Variants in MORC3 observed in about 807,000 individuals in gnomAD.
MORC3 encodes MORC family CW-type zinc finger protein 3.
A neutral mutation model predicts 109.1 loss-of-function variants in MORC3; 31 were observed. The ratio of observed to expected loss-of-function variants is 0.28; its 90% CI spans 0.21 to 0.38. The LOEUF is 0.38. MORC3 is among the 10% of genes least tolerant of loss of function. The probability of loss-of-function intolerance (pLI) is 1.00; values close to 1 mark genes in which losing one functional copy is unlikely to be tolerated. For missense variants in MORC3, 867 were observed against 1,135.8 expected, an observed-to-expected ratio of 0.76 and a Z score of 3.40; for synonymous variants, 395 against 380.7, an observed-to-expected ratio of 1.04 and a Z score of -0.44.
intron 9 of MORC3, among the ~76,000 whole-genome samples, chr21:36,353,220 G>A (rs1209868987): frequency 6.6e-6 from 1 of 151,372 alleles, no homozygotes; most frequent in Non-Finnish European, 1.5e-5. Flanking sequence ...AGCTGGGCTT[G>A]GTGGCGTGTG....
At chr21:36,341,595 G>C (rs371508654) in intron 6 of MORC3, 49 bp downstream of exon 6, 1 of 1,610,386 alleles carries the variant, frequency 6.2e-7, no homozygotes. Flanking sequence ...TTGAATGCTG[G>C]TAGTATTAGG....
Position 36,369,673 on chromosome 21 carries a change from A to G in MORC3, c.2305A>G (p.Met769Val). 6.2e-7 allele frequency: 1 copy of G among 1,614,208 alleles called. No individual in the cohort carries two copies. Among genetic ancestry groups the G allele is most frequent in the Non-Finnish European group, 8.5e-7 (1 of 1,180,032 alleles). Residue 769 changes from methionine to valine, a missense_variant, in exon 15 of 17, where the codon ATG becomes GTG. Physicochemically the swap from Met to Val is conservative, Grantham distance 21. Around this residue, in one of 7 missense-constraint regions of MORC3, gnomAD observed 486 missense variants for 502.1 expected, o/e 0.97. Transcript: ENST00000400485. The part of the protein sequence containing the change: ...INGKSESPDH[M>V]VSQYQQALEE... ...TGGCAAATCTGAAAGTCCAGACCATATGGTATCTCAGTATCAGCAAGCTTT... is the reference window on the plus strand; with the variant it reads ...TGGCAAATCTGAAAGTCCAGACCATGTGGTATCTCAGTATCAGCAAGCTTT...
chr21:36,341,434 A>T lies in MORC3; in HGVS notation c.644A>T (p.Asp215Val). ...KNATEFDFEK[D>V]KYDIRIPEDL... ...GCAACAGAGTTCGATTTTGAAAAGG[A>T]TAAATATGATATCAGAATTCCCGAG... Residue 215 changes from aspartate to valine, a missense_variant, in exon 6 of 17, where the codon GAT becomes GTT. Coordinates refer to ENST00000400485, the MANE Select transcript of MORC3 (RefSeq NM_015358.3). 6.2e-7 allele frequency: 1 copy of T among 1,611,848 alleles called. No homozygotes were observed.
chr21:36,366,156 A>G (rs2085779082), intron 14 of MORC3, among the ~76,000 whole-genome samples: 1 of 152,142 alleles, frequency 6.6e-6, no homozygotes, highest in South Asian at 2.1e-4. Flanking sequence ...AGTACCCAAT[A>G]TGTAGTTTTT....
chr21:36,370,614 T>TAC (rs1248777187), intron 15 of MORC3, among the ~76,000 whole-genome samples: 12 of 30,204 alleles, frequency 4.0e-4, no homozygotes, highest in African/African-American at 8.3e-4. Flanking sequence ...CATACATACA[T>TAC]ATATATATAT....
chr21:36,363,652 A>G (rs2085745249), intron 13 of MORC3, among the ~76,000 whole-genome samples: 1 of 152,216 alleles, frequency 6.6e-6, no homozygotes. Flanking sequence ...CTCGAAGTAC[A>G]GTTTCTGCTG....
chr21:36,353,274 T>A (rs1290252781), intron 9 of MORC3, among the ~76,000 whole-genome samples: 3 of 147,804 alleles, frequency 2.0e-5, no homozygotes, highest in Non-Finnish European at 4.4e-5. Flanking sequence ...GGAGAATTGC[T>A]TGAACCAGGG....
chr21:36,320,279 A>C lies in MORC3; in HGVS notation c.15A>C (p.Pro5=), dbSNP rs1036353861. 6.4e-7 allele frequency: 1 copy of C among 1,573,048 alleles called. No individual in the cohort carries two copies. The highest frequency in any genetic ancestry group is 1.7e-4 in the Middle Eastern group (1 of 5,962). Reference sequence around the variant, plus strand: ...GCTCGCTCAAGATGGCGGCGCAGCCACCCCGCGGGATACGCCTCAGCGCGG... The same window carrying C: ...GCTCGCTCAAGATGGCGGCGCAGCCCCCCCGCGGGATACGCCTCAGCGCGG... MAAQ[P]PRGIRLSALC... The change falls in exon 1 of 17, where the codon CCA becomes CCC. Residue 5 remains proline (P), a synonymous_variant. Transcript: ENST00000400485.
At chr21:36,360,513 A>T (rs1414113735) in intron 12 of MORC3, 6 of 463,544 alleles carry the variant, frequency 1.3e-5, no homozygotes, top group Non-Finnish European at 2.2e-5. Context: ...CTGTATGCAG[A>T]GGAATCATTA....
At position 36,349,416 on chromosome 21, in the gene MORC3, A is replaced by G; in HGVS notation, c.1103+8A>G. The G allele has an allele frequency of 6.6e-7, 1 of 1,524,170 alleles. No individual in the cohort carries two copies. Among genetic ancestry groups the G allele is most frequent in the Non-Finnish European group, 8.9e-7 (1 of 1,128,950 alleles). 94.4% of individuals were successfully genotyped at this position (1,524,170 alleles called of 1,614,324 possible). ...CTATACTAATGAGTACAGGTATGTT[A>G]CCTATTTAAATTATTGACTGAGGTT... On this transcript the variant is annotated splice_region_variant and intron_variant, in intron 9 of 16. Coordinates refer to ENST00000400485, the MANE Select transcript of MORC3 (RefSeq NM_015358.3).
Position 36,364,256 on chromosome 21 carries a change from A to C in MORC3, c.1616A>C (p.Asn539Thr). The change falls in exon 14 of 17, where the codon AAC (asparagine) becomes ACC (threonine). Residue 539 changes from asparagine (N) to threonine (T), a missense_variant. Physicochemically the swap from Asn to Thr is moderately conservative, Grantham distance 65. Transcript: ENST00000400485. ...CCACCTCAGTCTGAACCTGAGAGCAACAGGTCAGTGGCTAAGATTGGTTTT... is the reference window on the plus strand; with the variant it reads ...CCACCTCAGTCTGAACCTGAGAGCACCAGGTCAGTGGCTAAGATTGGTTTT... ...QVPPQSEPES[N>T]SLKRRLSTRS... is the part of the protein sequence containing the mutation. The C allele has an allele frequency of 6.2e-7, 1 of 1,613,720 alleles. No individual in the cohort carries two copies. The highest frequency in any genetic ancestry group is 8.5e-7 in the Non-Finnish European group (1 of 1,179,798).
intron 9 of MORC3, among the ~76,000 whole-genome samples, chr21:36,353,108 C>G (rs746219818): frequency 3.3e-5 from 5 of 151,892 alleles, no homozygotes; most frequent in African/African-American, 1.2e-4. Flanking sequence ...CCTGTAATCC[C>G]AGCACTTTAG....
intron 7 of MORC3, 35 bp downstream of exon 7, chr21:36,344,742 A>G: frequency 6.2e-7 from 1 of 1,609,232 alleles, no homozygotes; most frequent in Non-Finnish European, 8.5e-7. Context: ...GAGATATGTT[A>G]GTCAGGTGTA....
intron 13 of MORC3, 96 bp downstream of exon 13, chr21:36,362,324 C>T: frequency 7.3e-7 from 1 of 1,363,932 alleles, no homozygotes; most frequent in Admixed American, 2.4e-5. Flanking sequence ...AGGTGGATCA[C>T]CTGAGGTCAG....
intron 1 of MORC3, among the ~76,000 whole-genome samples, chr21:36,325,517 G>C (rs1286405490): frequency 2.0e-5 from 3 of 152,224 alleles, no homozygotes; most frequent in Non-Finnish European, 2.9e-5. Context: ...CAATTCAGTA[G>C]TGCTAAGTAC....
At chr21:36,352,904 G>A (rs1453069094) in intron 9 of MORC3, among the ~76,000 whole-genome samples, 2 of 151,478 alleles carry the variant, frequency 1.3e-5, no homozygotes, top group South Asian at 2.1e-4. Flanking sequence ...CTAGGAGTTT[G>A]AAGCTGCAGT....
chr21:36,343,448 T>G (rs1267223469), intron 6 of MORC3, among the ~76,000 whole-genome samples: 1 of 117,028 alleles, frequency 8.5e-6, no homozygotes, highest in East Asian at 2.7e-4. Flanking sequence ...CTTTTTGCTT[T>G]CTTTTTTTTT....
rs1301922310 is a variant in MORC3, at chr21:36,375,135, AT to A, written c.2667-5del. ...CTCATCTAATAAGTTACATATTTGT[AT>A]TTGCAGCCTCAAACTCCGATCTCTT... On this transcript the variant is annotated splice_region_variant and splice_polypyrimidine_tract_variant and intron_variant, in intron 16 of 16. Transcript: ENST00000400485. 1 of 1,607,484 alleles carries A rather than the reference AT, an allele frequency of 6.2e-7. No homozygotes were observed. The highest frequency in any genetic ancestry group is 8.5e-7 in the Non-Finnish European group (1 of 1,177,462).
intron 9 of MORC3, among the ~76,000 whole-genome samples, chr21:36,353,231 G>T (rs1290078964): frequency 6.7e-6 from 1 of 150,116 alleles, no homozygotes; most frequent in Non-Finnish European, 1.5e-5. Flanking sequence ...GTGGCGTGTG[G>T]CTGTAATCCC....
Sources: gnomAD v4.1 joint callset for allele counts (sites outside exome capture counted in the v4.1 genomes callset) on GRCh38, gnomAD v4.1.1 for gene constraint, gnomAD v4.1.1 regional missense constraint, MANE v1.5 for transcripts, NCBI Gene and HGNC (gene_info 2026-07-23, HGNC 2026-07-21) for gene names.